Variants in SRGAP1 observed in about 807,000 individuals in gnomAD.
SRGAP1 encodes the protein SLIT-ROBO Rho GTPase activating protein 1.
Under a neutral mutation model 121.9 loss-of-function variants are expected in SRGAP1, and 43 were observed. The observed-to-expected ratio is 0.35, with a 90% CI of 0.28 to 0.46. SRGAP1 has a LOEUF of 0.46. Among genes scored for constraint, SRGAP1 ranks in the 20% least tolerant of loss-of-function variants. The pLI, the probability that SRGAP1 is intolerant of heterozygous loss-of-function variation, is 1.00. For missense variants in SRGAP1, 1,102 were observed against 1,350.9 expected (o/e 0.82, Z 2.89); for synonymous variants, 447 against 485.4 (o/e 0.92, Z 1.04).
intron 10 of SRGAP1, among the ~76,000 whole-genome samples, chr12:64,084,843 G>C (rs1466424813): frequency 1.3e-5 from 2 of 151,920 alleles, no homozygotes; most frequent in African/African-American, 4.8e-5. Context: ...TCACTTGAAA[G>C]TGATTACCTA....
chr12:64,149,711 T>C lies in SRGAP1; in HGVS notation c.*7039T>C, dbSNP rs2037097933. 6.6e-6 allele frequency: 1 copy of C among 152,130 alleles called. No individual in the cohort carries two copies. Among genetic ancestry groups the C allele is most frequent in the Non-Finnish European group, 1.5e-5 (1 of 68,034 alleles). The allele number at this position is 152,130 out of a possible 1,614,324, so 9.4% of individuals were successfully genotyped here. A position where few individuals can be genotyped will look rare whatever the true frequency, so the allele number is the denominator to read the frequency against. ...TTTGCTGGCTTCTGCCTTGAGTAGT[T>C]GGGACTCCTAAAAAGGAAAATTCCC... On this transcript the variant is annotated 3_prime_UTR_variant, in exon 22 of 22. Coordinates refer to ENST00000355086, the MANE Select transcript of SRGAP1 (RefSeq NM_020762.4).
At chr12:64,129,977 TTG>T (rs1491069638) in intron 21 of SRGAP1, among the ~76,000 whole-genome samples, 4 of 149,774 alleles carry the variant, frequency 2.7e-5, no homozygotes, top group African/African-American at 9.8e-5. Flanking sequence ...CAGGTCGTGG[TTG>T]TTGTTGTTGT....
chr12:63,943,429 G>A (rs986068101), intron 1 of SRGAP1, among the ~76,000 whole-genome samples: 2 of 152,142 alleles, frequency 1.3e-5, no homozygotes, highest in Non-Finnish European at 2.9e-5. Context: ...ATAGGCATTA[G>A]CATGTTAATT....
rs767296904 is a variant in SRGAP1, at chr12:64,079,125, G to A, written c.1323+9G>A. The stretch of plus-strand genomic sequence containing the variant: ...AACAGTTCTACTTCATGGTGTGCCC[G>A]CCACTTCCCAAGCCACTCTACAGAG... On this transcript the variant is annotated intron_variant, in intron 9 of 21. Transcript: ENST00000355086. The A allele has an allele frequency of 2.7e-5, 44 of 1,611,664 alleles. No homozygotes were observed. In the South Asian group the frequency reaches 4.4e-4, roughly 16 times the overall value.
chr12:63,990,078 C>T lies in SRGAP1; in HGVS notation c.426+6C>T, dbSNP rs1352371304. On this transcript the variant is annotated splice_donor_region_variant and intron_variant, in intron 3 of 21. Transcript: ENST00000355086. Reference sequence around the variant, plus strand: ...CTACCAGGATGTTTAAAAAGGTACACTCCATAAATCCTGCCATAGTGTGCT... The same window carrying T: ...CTACCAGGATGTTTAAAAAGGTACATTCCATAAATCCTGCCATAGTGTGCT... The T allele has an allele frequency of 5.6e-6, 9 of 1,593,602 alleles. No individual in the cohort carries two copies. The East Asian group carries it at 9.0e-5, about 16-fold the overall frequency.
At chr12:63,855,749 A>C (rs1899228795) in intron 1 of SRGAP1, among the ~76,000 whole-genome samples, 1 of 151,862 alleles carries the variant, frequency 6.6e-6, no homozygotes, top group South Asian at 2.1e-4. Context: ...TGGCCTTCCA[A>C]AGTGCTGGGA....
chr12:64,004,090 G>A (rs571658478), intron 3 of SRGAP1, among the ~76,000 whole-genome samples: 2 of 152,044 alleles, frequency 1.3e-5, no homozygotes, highest in East Asian at 3.9e-4. Context: ...TGTCATCTGG[G>A]GGCAAAATTG....
chr12:64,045,567 CT>C (rs1365524058), intron 6 of SRGAP1, among the ~76,000 whole-genome samples: 1 of 151,942 alleles, frequency 6.6e-6, no homozygotes, highest in Non-Finnish European at 1.5e-5. Flanking sequence ...TCTTGAGTAG[CT>C]GGAATTACAG....
At chr12:64,135,278 T>TGCACA (rs2036841447) in intron 21 of SRGAP1, among the ~76,000 whole-genome samples, 8 of 152,288 alleles carry the variant, frequency 5.3e-5, no homozygotes, top group African/African-American at 1.7e-4. Context: ...AGACACCTGG[T>TGCACA]GAGGCTGTGC....
At chr12:64,073,713 C>A (rs1367046575) in intron 8 of SRGAP1, among the ~76,000 whole-genome samples, 1 of 139,338 alleles carries the variant, frequency 7.2e-6, no homozygotes, top group Non-Finnish European at 1.6e-5. Flanking sequence ...TTTTTTTTTC[C>A]AAATATTTTT....
chr12:64,001,568 C>CAAG (rs1439046295), intron 3 of SRGAP1, among the ~76,000 whole-genome samples: 1 of 152,174 alleles, frequency 6.6e-6, no homozygotes, highest in Non-Finnish European at 1.5e-5. Flanking sequence ...GGATGAGGCA[C>CAAG]AAGACTACAT....
chr12:64,043,355 G>A (rs1593071772), intron 5 of SRGAP1, 92 bp from the exon 6 acceptor site: 2 of 1,262,410 alleles, frequency 1.6e-6, no homozygotes, highest in Non-Finnish European at 2.2e-6. Flanking sequence ...GGAATAAATT[G>A]TTAAGGTTAA....
chr12:64,109,181 AC>A, intron 16 of SRGAP1, 144 bp downstream of exon 16: 1 of 461,412 alleles, frequency 2.2e-6, no homozygotes, highest in East Asian at 3.4e-5. Flanking sequence ...TACTGAAGGT[AC>A]ATTTTTCCTC....
At chr12:64,045,131 T>A (rs925948220) in intron 6 of SRGAP1, among the ~76,000 whole-genome samples, 3 of 152,208 alleles carry the variant, frequency 2.0e-5, no homozygotes, top group African/African-American at 7.2e-5. Context: ...AATATTTCAT[T>A]CAAGTAATCA....
chr12:63,962,286 A>G (rs570469908), intron 1 of SRGAP1, among the ~76,000 whole-genome samples: 14 of 152,316 alleles, frequency 9.2e-5, no homozygotes, highest in Non-Finnish European at 1.9e-4. Flanking sequence ...ACTTTTTACA[A>G]TGTAGGCTGC....
At position 64,158,278 on chromosome 12, in the gene SRGAP1, C is replaced by T. The variant is rs1162723302; in HGVS notation, c.*15606C>T. 1.3e-5 allele frequency: 2 copies of T among 152,140 alleles called. No homozygotes were observed. The highest frequency in any genetic ancestry group is 2.9e-5 in the Non-Finnish European group (2 of 68,022). 9.4% of individuals were successfully genotyped at this position (152,140 alleles called of 1,614,324 possible). A position where few individuals can be genotyped will look rare whatever the true frequency, so the allele number is the denominator to read the frequency against. On this transcript the variant is annotated 3_prime_UTR_variant, in exon 22 of 22. Coordinates refer to ENST00000355086, the MANE Select transcript of SRGAP1 (RefSeq NM_020762.4). ...AACTATTTCCTGCTTTGTATTTGTC[C>T]TTTATTCCAAAAACTTAAAAATTTC...
intron 1 of SRGAP1, among the ~76,000 whole-genome samples, chr12:63,874,831 T>A (rs1234320202): frequency 6.6e-6 from 1 of 152,130 alleles, no homozygotes; most frequent in African/African-American, 2.4e-5. Flanking sequence ...AAAATATTTT[T>A]AAAAACTCAC....
chr12:64,000,608 G>A (rs2033857974), intron 3 of SRGAP1, among the ~76,000 whole-genome samples: 1 of 152,010 alleles, frequency 6.6e-6, no homozygotes, highest in African/African-American at 2.4e-5. Context: ...GTGACACCCT[G>A]TCTAAAAAAA....
At chr12:63,865,316 A>G (rs146306122) in intron 1 of SRGAP1, among the ~76,000 whole-genome samples, 4 of 152,154 alleles carry the variant, frequency 2.6e-5, no homozygotes, top group African/African-American at 7.2e-5. Flanking sequence ...TAAAAATACA[A>G]AAATTAGCTG....
Sources: gnomAD v4.1 joint callset for allele counts (sites outside exome capture counted in the v4.1 genomes callset) on GRCh38, gnomAD v4.1.1 for gene constraint, MANE v1.5 for transcripts, NCBI Gene and HGNC (gene_info 2026-07-23, HGNC 2026-07-21) for gene names.